The following PIN1 variants were observed in gnomAD, a reference collection of about 807,000 sequenced individuals.
PIN1 encodes peptidylprolyl cis/trans isomerase, NIMA-interacting 1, also known as peptidyl-prolyl cis-trans isomerase NIMA-interacting 1.
A neutral mutation model predicts 19.9 loss-of-function variants in PIN1; 8 were observed. That is an observed-to-expected ratio of 0.40 (90% CI 0.24 to 0.72). PIN1 has a LOEUF of 0.72. Ranked by LOEUF, PIN1 falls within the 30% of genes least tolerant of loss-of-function variation. PIN1 has a pLI of 0.37. For synonymous variants in PIN1, 86 were observed against 90.8 expected, an observed-to-expected ratio of 0.95 and a Z score of 0.30; for missense variants, 185 against 226.5, an observed-to-expected ratio of 0.82 and a Z score of 1.18.
At chr19:9,837,145 AT>A (rs1568357926) in intron 1 of PIN1, 1 of 257,432 alleles carries the variant, frequency 3.9e-6, no homozygotes, top group Non-Finnish European at 7.9e-6. Context: ...TTTATTTTTT[AT>A]TTTTTATTGT....
intron 2 of PIN1, among the ~76,000 whole-genome samples, chr19:9,839,782 C>T (rs1480409244): frequency 6.6e-6 from 1 of 152,210 alleles, no homozygotes; most frequent in Non-Finnish European, 1.5e-5. Context: ...GGGAGGATCA[C>T]TTGAGCCCAG....
intron 1 of PIN1, 53 bp downstream of exon 1, chr19:9,835,455 G>A (rs530364658): frequency 6.7e-5 from 85 of 1,261,674 alleles, no homozygotes; most frequent in Middle Eastern, 2.7e-4. Context: ...CGTAAGCAGG[G>A]CTCGAGCTCG....
intron 1 of PIN1, chr19:9,837,740 C>G (rs983762401): frequency 4.6e-5 from 7 of 153,800 alleles, no homozygotes; most frequent in African/African-American, 1.7e-4. Context: ...TCAAGCGATT[C>G]TCCTGCTTCA....
chr19:9,847,420 C>T (rs1352231822), intron 2 of PIN1, among the ~76,000 whole-genome samples: 1 of 152,194 alleles, frequency 6.6e-6, no homozygotes, highest in Admixed American at 6.5e-5. Flanking sequence ...AGCTATGTTG[C>T]CTGCCTCTGG....
In PIN1 at chr19:9,838,647, C is replaced by T. The variant is rs935086681; in HGVS notation, c.270C>T (p.Asn90=). Residue 90 remains asparagine, a splice_region_variant and synonymous_variant, in exon 2 of 4, where the codon AAC becomes AAT. Transcript: ENST00000247970. The surrounding 1 kb of genome is among the most constrained non-coding windows in gnomAD (Gnocchi z 5.8). ...RTKEEALELI[N]GYIQKIKSGE... is the part of the protein sequence containing the mutation. ...AGGAGGAGGCCCTGGAGCTGATCAA[C>T]GGTGAGCAGGGCGAGGGCAGGGGCT... 3.2e-6 allele frequency: 5 copies of T among 1,540,632 alleles called. No homozygotes were observed. Among genetic ancestry groups the T allele is most frequent in the East Asian group, 2.4e-5 (1 of 40,994 alleles).
chr19:9,842,049 A>G (rs2046172278), intron 2 of PIN1, among the ~76,000 whole-genome samples: 2 of 152,148 alleles, frequency 1.3e-5, no homozygotes. Context: ...GTAAGTAGCC[A>G]GGCCCTGAGG....
At chr19:9,847,216 A>G (rs2046227736) in intron 2 of PIN1, among the ~76,000 whole-genome samples, 1 of 152,074 alleles carries the variant, frequency 6.6e-6, no homozygotes, top group African/African-American at 2.4e-5. Context: ...GGCTTCCGAA[A>G]CGTGAGTCAC....
intron 1 of PIN1, chr19:9,837,496 C>CT (rs1179900001): frequency 6.5e-6 from 1 of 154,834 alleles, no homozygotes; most frequent in African/African-American, 2.4e-5. Context: ...GAGTCTCACT[C>CT]TATCGCTCAG....
In PIN1 at chr19:9,849,110, G is replaced by A; in HGVS notation, c.403G>A (p.Glu135Lys). Residue 135 changes from glutamate to lysine, a missense_variant, in exon 4 of 4, where the codon GAA becomes AAA. By Grantham distance (56) the Glu-to-Lys change is moderately conservative. Coordinates refer to ENST00000247970, the MANE Select transcript of PIN1 (RefSeq NM_006221.4). ...FSRGQMQKPFEDASFALRTGE... is the reference protein window; with the variant it reads ...FSRGQMQKPFKDASFALRTGE... The stretch of plus-strand genomic sequence containing the variant: ...CCCAGGTCAGATGCAGAAGCCATTT[G>A]AAGACGCCTCGTTTGCGCTGCGGAC... The A allele has an allele frequency of 6.2e-7, 1 of 1,613,740 alleles. No homozygotes were observed. Among genetic ancestry groups the A allele is most frequent in the Non-Finnish European group, 8.5e-7 (1 of 1,179,756 alleles).
chr19:9,835,693 C>T, intron 1 of PIN1: 1 of 435,996 alleles, frequency 2.3e-6, no homozygotes, highest in Non-Finnish European at 4.0e-6. Flanking sequence ...CGGCCTAATG[C>T]ACCTGACACC....
At chr19:9,845,792 C>T (rs949424789) in intron 2 of PIN1, among the ~76,000 whole-genome samples, 3 of 152,134 alleles carry the variant, frequency 2.0e-5, no homozygotes, top group Non-Finnish European at 4.4e-5. Context: ...ACAACTTGGG[C>T]GGGCTGTCCA....
intron 2 of PIN1, among the ~76,000 whole-genome samples, chr19:9,843,192 G>C (rs2046185684): frequency 6.6e-6 from 1 of 152,234 alleles, no homozygotes; most frequent in Non-Finnish European, 1.5e-5. Flanking sequence ...ACTATGAGCA[G>C]CTGTCCTACT....
intron 2 of PIN1, among the ~76,000 whole-genome samples, chr19:9,842,959 G>A (rs1052428813): frequency 2.0e-5 from 3 of 152,364 alleles, no homozygotes; most frequent in African/African-American, 4.8e-5. Context: ...AGAGAGAGCC[G>A]GGACCTCCAC....
At chr19:9,842,766 T>A (rs1478910129) in intron 2 of PIN1, among the ~76,000 whole-genome samples, 1 of 152,214 alleles carries the variant, frequency 6.6e-6, no homozygotes, top group Non-Finnish European at 1.5e-5. Context: ...GCGCAGGCAT[T>A]GGGCACCTGG....
At chr19:9,842,441 G>A (rs929133075) in intron 2 of PIN1, among the ~76,000 whole-genome samples, 4 of 151,776 alleles carry the variant, frequency 2.6e-5, no homozygotes, top group Admixed American at 6.5e-5. Context: ...AGTGGCTGGC[G>A]TGCTCTGCAC....
chr19:9,842,314 G>C (rs967519788), intron 2 of PIN1, among the ~76,000 whole-genome samples: 1 of 152,158 alleles, frequency 6.6e-6, no homozygotes, highest in Non-Finnish European at 1.5e-5. Flanking sequence ...GCCCACCCTG[G>C]GCTCGTACAG....
Position 9,849,521 on chromosome 19 carries a change from G to A in PIN1, c.*322G>A, listed in dbSNP as rs751405625. ...AAGGCCTGGTCAGCAGAGCCGCCCCGTGTCCCCCCAGGTGCTGGAGGCAGA... is the reference window on the plus strand; with the variant it reads ...AAGGCCTGGTCAGCAGAGCCGCCCCATGTCCCCCCAGGTGCTGGAGGCAGA... On this transcript the variant is annotated 3_prime_UTR_variant, in exon 4 of 4. Coordinates refer to ENST00000247970, the MANE Select transcript of PIN1 (RefSeq NM_006221.4). 21 of 644,638 alleles carry A rather than the reference G, an allele frequency of 3.3e-5. No individual in the cohort carries two copies. The highest frequency in any genetic ancestry group is 1.1e-4 in the South Asian group (8 of 72,732). The allele number at this position is 644,638 out of a possible 1,614,324, so 39.9% of individuals were successfully genotyped here.
At chr19:9,847,803 A>C (rs1285222995) in intron 2 of PIN1, among the ~76,000 whole-genome samples, 1 of 152,086 alleles carries the variant, frequency 6.6e-6, no homozygotes, top group Non-Finnish European at 1.5e-5. Flanking sequence ...TTAAGTGCTC[A>C]TGCTCGTGAA....
At chr19:9,841,100 G>C (rs2046161571) in intron 2 of PIN1, among the ~76,000 whole-genome samples, 1 of 152,194 alleles carries the variant, frequency 6.6e-6, no homozygotes, top group Non-Finnish European at 1.5e-5. Flanking sequence ...CACTCGGTCA[G>C]TATTGGCTGT....
Sources: allele counts gnomAD v4.1 joint callset (sites outside exome capture counted in the v4.1 genomes callset), GRCh38; gene constraint gnomAD v4.1.1; non-coding constraint Gnocchi (gnomAD v3.1); transcripts MANE v1.5; gene names NCBI Gene and HGNC (gene_info 2026-07-23, HGNC 2026-07-21).